The following SPAG17 variants were observed in gnomAD, a reference collection of about 807,000 sequenced individuals.
The protein encoded by SPAG17 is sperm-associated antigen 17.
Under a neutral mutation model 273.6 loss-of-function variants are expected in SPAG17, and 169 were observed. The observed-to-expected ratio is 0.62, with a 90% CI of 0.55 to 0.70. The LOEUF (loss-of-function observed/expected upper bound fraction) is 0.70, where lower values mean the gene tolerates loss of function less well. Among genes scored for constraint, SPAG17 ranks in the 30% least tolerant of loss-of-function variants. SPAG17 has a pLI of 0.00. For synonymous variants in SPAG17, 825 were observed against 873.2 expected (o/e 0.94, Z 0.97); for missense variants, 2,557 against 2,627.8 (o/e 0.97, Z 0.59).
At chr1:118,166,756 C>T (rs1356772865) in intron 1 of SPAG17, among the ~76,000 whole-genome samples, 2 of 152,076 alleles carry the variant, frequency 1.3e-5, no homozygotes, top group Non-Finnish European at 2.9e-5. Flanking sequence ...AAACTTTTAC[C>T]ATCTTCAGCA....
intron 4 of SPAG17, among the ~76,000 whole-genome samples, chr1:118,112,994 T>C (rs920060869): frequency 6.6e-6 from 1 of 152,136 alleles, no homozygotes; most frequent in Non-Finnish European, 1.5e-5. Flanking sequence ...CTTAAAACAT[T>C]AGAACAGGTA....
At chr1:118,073,083 C>T (rs1301920860) in intron 17 of SPAG17, among the ~76,000 whole-genome samples, 2 of 152,042 alleles carry the variant, frequency 1.3e-5, no homozygotes, top group African/African-American at 2.4e-5. Flanking sequence ...GCTTAAAAAA[C>T]GTTGTAAAAC....
chr1:117,981,384 C>G lies in SPAG17; in HGVS notation c.5890G>C (p.Val1964Leu), dbSNP rs1329146420. 6.3e-7 allele frequency: 1 copy of G among 1,592,112 alleles called. No individual in the cohort carries two copies. The highest frequency in any genetic ancestry group is 1.4e-5 in the African/African-American group (1 of 73,264). ...DLNLDFKPHK[V>L]SEQKSSSVPS... ...ACACTTGAGGATTTCTGTTCTGAAA[C>G]CTTATGTGGCTTGAAATCTAGAAAA... Residue 1964 changes from valine to leucine, a missense_variant, in exon 43 of 49, where the codon GTT becomes CTT. Coordinates refer to ENST00000336338, the MANE Select transcript of SPAG17 (RefSeq NM_206996.4).
At chr1:118,122,601 G>A (rs1657485806) in intron 3 of SPAG17, among the ~76,000 whole-genome samples, 1 of 152,182 alleles carries the variant, frequency 6.6e-6, no homozygotes, top group African/African-American at 2.4e-5. Context: ...CCACCGAGCT[G>A]TGACAATCAA....
chr1:118,177,285 A>G (rs1014744613), intron 1 of SPAG17, among the ~76,000 whole-genome samples: 1 of 152,186 alleles, frequency 6.6e-6, no homozygotes, highest in African/African-American at 2.4e-5. Flanking sequence ...CACATCTTAC[A>G]TGGCAGCAGG....
chr1:118,168,112 C>T (rs1222171140), intron 1 of SPAG17, among the ~76,000 whole-genome samples: 1 of 152,068 alleles, frequency 6.6e-6, no homozygotes, highest in Non-Finnish European at 1.5e-5. Flanking sequence ...GTTATCCAGT[C>T]CCTGGTATTT....
At chr1:118,046,891 G>A (rs1244443243) in intron 20 of SPAG17, among the ~76,000 whole-genome samples, 2 of 152,096 alleles carry the variant, frequency 1.3e-5, no homozygotes, top group Admixed American at 6.5e-5. Flanking sequence ...AGCAAGAAAG[G>A]AGGAAAAGAA....
At chr1:117,971,811 T>C in intron 45 of SPAG17, 52 bp downstream of exon 45, 1 of 1,502,508 alleles carries the variant, frequency 6.7e-7, no homozygotes, top group Non-Finnish European at 9.0e-7. Flanking sequence ...CAAAGACAAG[T>C]CACAGGGTAG....
intron 1 of SPAG17, among the ~76,000 whole-genome samples, chr1:118,168,152 T>C (rs111604932): frequency 0.015 from 2,356 of 152,276 alleles, 32 homozygotes; most frequent in African/African-American, 0.032. Context: ...TGGGCTTATA[T>C]TGATGAATTG....
At chr1:118,182,606 G>A (rs943442478) in intron 1 of SPAG17, among the ~76,000 whole-genome samples, 4 of 152,178 alleles carry the variant, frequency 2.6e-5, no homozygotes, top group African/African-American at 9.7e-5. Flanking sequence ...AGCAAAGATA[G>A]TAAATGACCA....
intron 3 of SPAG17, among the ~76,000 whole-genome samples, chr1:118,116,655 A>G (rs1296524882): frequency 6.6e-6 from 1 of 152,194 alleles, no homozygotes; most frequent in Non-Finnish European, 1.5e-5. Flanking sequence ...AGAAGGCTCT[A>G]TGGATTACCA....
At chr1:117,992,734 T>C (rs1172327196) in intron 35 of SPAG17, 86 bp from the exon 36 acceptor site, 43 of 1,165,742 alleles carry the variant, frequency 3.7e-5, no homozygotes, top group Non-Finnish European at 4.8e-5. Flanking sequence ...ATTTATTACA[T>C]AGATATCATA....
chr1:117,982,704 C>A (rs1050041722), intron 42 of SPAG17, among the ~76,000 whole-genome samples: 2 of 152,188 alleles, frequency 1.3e-5, no homozygotes, highest in Non-Finnish European at 2.9e-5. Flanking sequence ...TAACAATGTC[C>A]TCTCTTACAT....
At chr1:117,960,120 G>GTGTA (rs1652844501) in intron 48 of SPAG17, 1 of 146,672 alleles carries the variant, frequency 6.8e-6, no homozygotes, top group Admixed American at 6.7e-5. Flanking sequence ...GTGTGTGTGT[G>GTGTA]TGTGTGTGTG....
At chr1:118,089,104 T>G (rs1341888388) in intron 10 of SPAG17, among the ~76,000 whole-genome samples, 1 of 152,120 alleles carries the variant, frequency 6.6e-6, no homozygotes, top group African/African-American at 2.4e-5. Context: ...AAAGAAAAGC[T>G]GTTGATAAGA....
At chr1:118,007,197 C>T (rs1658988187) in intron 31 of SPAG17, among the ~76,000 whole-genome samples, 2 of 152,110 alleles carry the variant, frequency 1.3e-5, no homozygotes, top group African/African-American at 4.8e-5. Context: ...TTTCTTTCAT[C>T]TCTCACTTCC....
intron 18 of SPAG17, among the ~76,000 whole-genome samples, chr1:118,064,808 C>T (rs1000803630): frequency 2.0e-5 from 3 of 151,470 alleles, no homozygotes; most frequent in African/African-American, 7.3e-5. Flanking sequence ...CAGTCAGATA[C>T]TTTGAGGTGT....
intron 1 of SPAG17, among the ~76,000 whole-genome samples, chr1:118,161,915 G>C (rs563275379): frequency 6.6e-6 from 1 of 152,298 alleles, no homozygotes; most frequent in African/African-American, 2.4e-5. Flanking sequence ...GCCAGGGGAG[G>C]AATGGTGTAT....
intron 1 of SPAG17, among the ~76,000 whole-genome samples, chr1:118,159,126 A>G (rs889644417): frequency 2.0e-5 from 3 of 152,258 alleles, no homozygotes; most frequent in Non-Finnish European, 2.9e-5. Context: ...GGAAGGAGTC[A>G]TGCCTCTGAA....
Sources: allele counts gnomAD v4.1 joint callset (sites outside exome capture counted in the v4.1 genomes callset), GRCh38; gene constraint gnomAD v4.1.1; transcripts MANE v1.5; gene names NCBI Gene and HGNC (gene_info 2026-07-23, HGNC 2026-07-21).